Variants in TTBK2 observed in about 807,000 individuals in gnomAD.
TTBK2 encodes the protein tau-tubulin kinase 2.
TTBK2 carries 28 observed loss-of-function variants against 110.8 expected under a neutral mutation model. The ratio of observed to expected loss-of-function variants is 0.25; its 90% CI spans 0.19 to 0.35. The LOEUF (loss-of-function observed/expected upper bound fraction) is 0.35. Ranked by LOEUF, TTBK2 falls within the 10% of genes least tolerant of loss-of-function variation. The pLI, the probability that TTBK2 is intolerant of heterozygous loss-of-function variation, is 1.00. For synonymous variants in TTBK2, 532 were observed against 527.3 expected, an observed-to-expected ratio of 1.01 and a Z score of -0.12; for missense variants, 1,369 against 1,500.3, an observed-to-expected ratio of 0.91 and a Z score of 1.45.
intron 1 of TTBK2, among the ~76,000 whole-genome samples, chr15:42,885,574 T>G (rs1895209438): frequency 6.6e-6 from 1 of 152,224 alleles, no homozygotes; most frequent in South Asian, 2.1e-4. Flanking sequence ...TCACCCACGT[T>G]TCAGAGGTGT....
intron 1 of TTBK2, among the ~76,000 whole-genome samples, chr15:42,881,804 G>C (rs1224189166): frequency 6.6e-6 from 1 of 151,940 alleles, no homozygotes; most frequent in Non-Finnish European, 1.5e-5. Context: ...CCAGGAGGTG[G>C]AGGTTGCAAT....
At position 42,861,596 on chromosome 15, in the gene TTBK2, G is replaced by A. The variant is rs566808468; in HGVS notation, c.217+11015C>T. 7.2e-5 allele frequency among the ~76,000 whole-genome samples: 11 copies of A among 152,100 alleles called. No individual in the cohort carries two copies. The South Asian group carries it at 2.3e-3, about 32-fold the overall frequency. On this transcript the variant is annotated intron_variant, in intron 3 of 14. Transcript: ENST00000267890. ...ATATTTGGGATGCAGTTAAAGCAAT[G>A]TTAAGAGGAAAGTTTGTAGCACTAA...
At chr15:42,894,114 G>A (rs1895576765) in intron 1 of TTBK2, among the ~76,000 whole-genome samples, 2 of 152,110 alleles carry the variant, frequency 1.3e-5, no homozygotes, top group African/African-American at 2.4e-5. Context: ...GAGATCTGAT[G>A]GTTTTATAAA....
At chr15:42,878,753 G>T in intron 1 of TTBK2, 69 bp from the exon 2 acceptor site, 1 of 1,533,560 alleles carries the variant, frequency 6.5e-7, no homozygotes, top group Non-Finnish European at 8.8e-7. Context: ...TAACATTCCA[G>T]CATCAGGAAG....
At chr15:42,761,286 A>G (rs544509893) in intron 13 of TTBK2, among the ~76,000 whole-genome samples, 15 of 152,242 alleles carry the variant, frequency 9.9e-5, no homozygotes, top group Non-Finnish European at 2.2e-4. Flanking sequence ...ATACTTTATG[A>G]ATAAGACCTC....
chr15:42,795,655 G>A (rs149605059), intron 9 of TTBK2, among the ~76,000 whole-genome samples: 11 of 151,744 alleles, frequency 7.2e-5, no homozygotes, highest in East Asian at 3.9e-4. Context: ...CCAGCCTGGC[G>A]AACATGGTGA....
intron 13 of TTBK2, among the ~76,000 whole-genome samples, chr15:42,762,125 T>C (rs1190589736): frequency 6.6e-6 from 1 of 152,182 alleles, no homozygotes; most frequent in Non-Finnish European, 1.5e-5. Context: ...GAACTGTAAG[T>C]CCAATTAAAC....
At chr15:42,777,436 C>T (rs181470755) in intron 11 of TTBK2, among the ~76,000 whole-genome samples, 194 bp from the exon 12 acceptor site, 51 of 152,294 alleles carry the variant, frequency 3.3e-4, no homozygotes, top group African/African-American at 1.2e-3. Flanking sequence ...AATTTATACT[C>T]AGTTTCAGTA....
At chr15:42,774,209 C>T (rs796266549) in intron 13 of TTBK2, among the ~76,000 whole-genome samples, 4 of 152,268 alleles carry the variant, frequency 2.6e-5, no homozygotes, top group African/African-American at 7.2e-5. Context: ...GGGAACAATG[C>T]TGTTTCTGGT....
intron 1 of TTBK2, among the ~76,000 whole-genome samples, chr15:42,905,447 AG>A (rs1221456590): frequency 1.3e-5 from 2 of 151,714 alleles, no homozygotes; most frequent in African/African-American, 4.8e-5. Flanking sequence ...TTGGAGATAC[AG>A]GTTTTGCCAT....
At chr15:42,832,811 C>T (rs1892817871) in intron 4 of TTBK2, among the ~76,000 whole-genome samples, 1 of 152,090 alleles carries the variant, frequency 6.6e-6, no homozygotes, top group South Asian at 2.1e-4. Context: ...CTTAGTGGCC[C>T]AATCAGTTAC....
At chr15:42,913,781 A>G (rs1352018819) in intron 1 of TTBK2, among the ~76,000 whole-genome samples, 1 of 152,212 alleles carries the variant, frequency 6.6e-6, no homozygotes, top group Non-Finnish European at 1.5e-5. Flanking sequence ...GAAGTACAGT[A>G]TAACTTACAT....
chr15:42,804,008 CAAAAAAAA>C (rs781131720), intron 9 of TTBK2, among the ~76,000 whole-genome samples: 1 of 51,052 alleles, frequency 2.0e-5, no homozygotes, highest in Non-Finnish European at 4.8e-5. Context: ...GCGAGGAGTG[CAAAAAAAA>C]AAAAAAAAAA....
intron 13 of TTBK2, among the ~76,000 whole-genome samples, chr15:42,762,695 G>C (rs2062047301): frequency 6.6e-6 from 1 of 152,122 alleles, no homozygotes; most frequent in Non-Finnish European, 1.5e-5. Flanking sequence ...TCCAGCCTGG[G>C]TGACAGAGTG....
intron 14 of TTBK2, 89 bp from the exon 15 acceptor site, chr15:42,746,346 G>A: frequency 9.7e-7 from 1 of 1,033,014 alleles, no homozygotes; most frequent in Non-Finnish European, 1.4e-6. Context: ...TAATGTGAAT[G>A]TGTAGAAATC....
intron 13 of TTBK2, among the ~76,000 whole-genome samples, chr15:42,773,304 G>A (rs1889758231): frequency 6.6e-6 from 1 of 152,074 alleles, no homozygotes; most frequent in Admixed American, 6.6e-5. Context: ...GGGCTTGGTG[G>A]TGGGCACCTG....
At chr15:42,887,582 C>T (rs1408113119) in intron 1 of TTBK2, among the ~76,000 whole-genome samples, 1 of 152,172 alleles carries the variant, frequency 6.6e-6, no homozygotes, top group East Asian at 1.9e-4. Context: ...TGTCCAAAAA[C>T]TGGACCAGTC....
At chr15:42,781,702 T>C (rs569211257) in intron 11 of TTBK2, among the ~76,000 whole-genome samples, 5 of 152,304 alleles carry the variant, frequency 3.3e-5, no homozygotes, top group African/African-American at 2.4e-5. Context: ...GTTGTCTTTA[T>C]GTCACTGATT....
chr15:42,754,911 GGC>G (rs1366157942), intron 13 of TTBK2, among the ~76,000 whole-genome samples: 2 of 150,342 alleles, frequency 1.3e-5, no homozygotes, highest in African/African-American at 4.9e-5. Context: ...AGGAGGCTGA[GGC>G]AGGAGAATCG....
Sources: allele counts gnomAD v4.1 joint callset (sites outside exome capture counted in the v4.1 genomes callset), GRCh38; gene constraint gnomAD v4.1.1; transcripts MANE v1.5; gene names NCBI Gene and HGNC (gene_info 2026-07-23, HGNC 2026-07-21).